NEDD9: variants seen among roughly 807,000 people sequenced by gnomAD.
NEDD9 encodes enhancer of filamentation 1.
Under a neutral mutation model 76.6 loss-of-function variants are expected in NEDD9, and 26 were observed. The observed-to-expected ratio is 0.34, with a 90% CI of 0.25 to 0.47. The LOEUF is 0.47. NEDD9 is among the 20% of genes least tolerant of loss of function. The pLI is 1.00. For missense variants in NEDD9, 937 were observed against 1,058.5 expected, an observed-to-expected ratio of 0.89 and a Z score of 1.59; for synonymous variants, 392 against 414.2, an observed-to-expected ratio of 0.95 and a Z score of 0.65.
chr6:11,214,032 G>C (rs1403100206), intron 1 of NEDD9, among the ~76,000 whole-genome samples: 1 of 152,080 alleles, frequency 6.6e-6, no homozygotes, highest in Non-Finnish European at 1.5e-5. Flanking sequence ...GTTAGAGCAT[G>C]GTTCACTATA....
intron 3 of NEDD9, among the ~76,000 whole-genome samples, chr6:11,265,116 C>G (rs1442373315): frequency 6.6e-6 from 1 of 152,196 alleles, no homozygotes; most frequent in Non-Finnish European, 1.5e-5. Context: ...ATTTTTTAAT[C>G]TGTTAATTCA....
rs191376482 is a variant in NEDD9 at position 11,318,121 on chromosome 6, C to T, written c.-152-11966G>A. 8.5e-5 allele frequency among the ~76,000 whole-genome samples: 13 copies of T among 152,228 alleles called. No homozygotes were observed. In the East Asian group the frequency reaches 1.5e-3, roughly 18 times the overall value. ...GCCTTTGTGCTAGAGCTATGTGATC[C>T]GCTCTCCTGGGTTCCAGAGCCTCAG... On this transcript the variant is annotated intron_variant, in intron 2 of 3. Coordinates refer to the NEDD9 transcript ENST00000397378.
At chr6:11,276,043 GATCA>G (rs1378477898) in intron 3 of NEDD9, among the ~76,000 whole-genome samples, 3 of 152,136 alleles carry the variant, frequency 2.0e-5, no homozygotes, top group Non-Finnish European at 4.4e-5. Context: ...GATACTGATG[GATCA>G]ATCTATAGTA....
chr6:11,358,502 T>C (rs1231364612), intron 1 of NEDD9, among the ~76,000 whole-genome samples: 2 of 152,098 alleles, frequency 1.3e-5, no homozygotes, highest in African/African-American at 4.8e-5. Flanking sequence ...AGGAAAACTG[T>C]TAGAGAATAA....
chr6:11,345,298 T>G (rs1032787021), intron 1 of NEDD9, among the ~76,000 whole-genome samples: 2 of 152,176 alleles, frequency 1.3e-5, no homozygotes, highest in African/African-American at 4.8e-5. Context: ...CCAAGAAAAC[T>G]GAGTGACAAG....
rs375592979 is a variant in NEDD9, at chr6:11,208,563, A to G, written c.459+4718T>C. Among the ~76,000 whole-genome samples, 6 of 152,354 alleles carry G rather than the reference A, an allele frequency of 3.9e-5. No individual in the cohort carries two copies. In the East Asian group the frequency reaches 7.7e-4, roughly 20 times the overall value. ...CTTTGATTCTTGCTTCCACCTGTTC[A>G]TTGGTTCACTGGGCTGCTATCTGTG... On this transcript the variant is annotated intron_variant, in intron 2 of 6. Coordinates refer to ENST00000379446, the MANE Select transcript of NEDD9 (RefSeq NM_006403.4).
chr6:11,268,746 G>GACACACACAC (rs200336412), intron 3 of NEDD9, among the ~76,000 whole-genome samples: 1 of 136,506 alleles, frequency 7.3e-6, no homozygotes, highest in African/African-American at 2.8e-5. Context: ...CACACACACA[G>GACACACACAC]ACACACACAC....
chr6:11,337,079 G>A (rs879564731), intron 1 of NEDD9, among the ~76,000 whole-genome samples: 2 of 152,134 alleles, frequency 1.3e-5, no homozygotes, highest in African/African-American at 2.4e-5. Context: ...TTATCTGGAC[G>A]TGGTGGAGCA....
chr6:11,361,858 T>TG (rs1226704275), intron 1 of NEDD9, among the ~76,000 whole-genome samples: 1 of 152,130 alleles, frequency 6.6e-6, no homozygotes, highest in Non-Finnish European at 1.5e-5. Context: ...TGAGATGGGC[T>TG]GGGGTGTTCA....
At chr6:11,337,987 C>T (rs1762198410) in intron 1 of NEDD9, among the ~76,000 whole-genome samples, 1 of 152,176 alleles carries the variant, frequency 6.6e-6, no homozygotes, top group Non-Finnish European at 1.5e-5. Flanking sequence ...AAAACCTCCC[C>T]TCAGTAAGCA....
intron 2 of NEDD9, among the ~76,000 whole-genome samples, chr6:11,308,906 A>G (rs1183128173): frequency 6.6e-6 from 1 of 152,238 alleles, no homozygotes; most frequent in Admixed American, 6.5e-5. Context: ...TCAAAGGAAA[A>G]GAATAATTCC....
chr6:11,213,336 G>A lies in NEDD9; in HGVS notation c.404C>T (p.Pro135Leu). ...CCCAATGCTTCTCTGCACTGATGGTGGCACCTGATATACCTCTTGTTCTTG... is the reference window on the plus strand; with the variant it reads ...CCCAATGCTTCTCTGCACTGATGGTAGCACCTGATATACCTCTTGTTCTTG... Reference protein sequence around the residue: ...GTQEQEVYQVPPSVQRSIGGT... With the variant: ...GTQEQEVYQVLPSVQRSIGGT... Residue 135 changes from proline (P) to leucine (L), a missense_variant, in exon 2 of 7, where the codon CCA (proline) becomes CTA (leucine). Physicochemically the swap from Pro to Leu is moderately conservative, Grantham distance 98. Transcript: ENST00000379446. The surrounding 1 kb of genome is among the most constrained non-coding windows in gnomAD (Gnocchi z 5.4). 1 of 1,614,114 alleles carries A rather than the reference G, an allele frequency of 6.2e-7. No homozygotes were observed. Among genetic ancestry groups the A allele is most frequent in the Non-Finnish European group, 8.5e-7 (1 of 1,180,010 alleles).
intron 3 of NEDD9, among the ~76,000 whole-genome samples, chr6:11,262,940 G>A (rs562069334): frequency 6.6e-6 from 1 of 152,258 alleles, no homozygotes; most frequent in Non-Finnish European, 1.5e-5. Context: ...TTGTCTTATA[G>A]AAAATGAGTT....
intron 1 of NEDD9, among the ~76,000 whole-genome samples, chr6:11,354,853 T>C (rs904627624): frequency 6.6e-6 from 1 of 152,030 alleles, no homozygotes; most frequent in African/African-American, 2.4e-5. Context: ...CAAAAGCTAC[T>C]GGGGACAAGA....
intron 3 of NEDD9, among the ~76,000 whole-genome samples, chr6:11,274,503 C>T (rs956779160): frequency 2.0e-5 from 3 of 152,174 alleles, no homozygotes; most frequent in African/African-American, 7.2e-5. Context: ...AGTATTAATG[C>T]TTTCCTTATT....
rs917365253 is a variant in NEDD9, at chr6:11,324,301, G to A, written c.-153+10200C>T. ...CTTTCCTGGCATGGCATGTGCTCTC[G>A]GGCTGTACCTCTGGTAGTGAATCTC... On this transcript the variant is annotated intron_variant, in intron 2 of 3. Transcript: ENST00000397378. Among the ~76,000 whole-genome samples the A allele has an allele frequency of 2.0e-5, 3 of 152,178 alleles. No individual in the cohort carries two copies. In the East Asian group the frequency reaches 5.8e-4, roughly 29 times the overall value.
chr6:11,228,583 A>C (rs1270224505), intron 1 of NEDD9, among the ~76,000 whole-genome samples: 2 of 146,962 alleles, frequency 1.4e-5, no homozygotes, highest in Non-Finnish European at 3.0e-5. Context: ...AGAAGACTGG[A>C]GTGAAGGGAG....
chr6:11,214,210 T>C (rs1406474426), intron 1 of NEDD9: 12 of 518,352 alleles, frequency 2.3e-5, no homozygotes, highest in Non-Finnish European at 4.6e-5. Flanking sequence ...ATATTTGGAG[T>C]TGAAAAGCCA....
chr6:11,382,250 C>T (rs944845743), exon 1 of NEDD9: 12 of 152,250 alleles, frequency 7.9e-5, no homozygotes, highest in South Asian at 2.1e-4. Flanking sequence ...CTCATGTTTC[C>T]CTCTCCATGC....
Sources: gnomAD v4.1 joint callset for allele counts (sites outside exome capture counted in the v4.1 genomes callset) on GRCh38, gnomAD v4.1.1 for gene constraint, Gnocchi (gnomAD v3.1) non-coding constraint, MANE v1.5 for transcripts, NCBI Gene and HGNC (gene_info 2026-07-23, HGNC 2026-07-21) for gene names.